CDH12: variants seen among roughly 807,000 people sequenced by gnomAD.
The protein encoded by CDH12 is cadherin 12, also known as cadherin-12.
Under a neutral mutation model 74.1 loss-of-function variants are expected in CDH12, and 41 were observed. The ratio of observed to expected loss-of-function variants is 0.55; its 90% CI spans 0.43 to 0.72. The LOEUF (loss-of-function observed/expected upper bound fraction) is 0.72, where lower values mean the gene tolerates loss of function less well. Among genes scored for constraint, CDH12 ranks in the 30% least tolerant of loss-of-function variants. The pLI is 0.00. For missense variants in CDH12, 945 were observed against 977.2 expected (o/e 0.97, Z 0.44); for synonymous variants, 399 against 355.0 (o/e 1.12, Z -1.39).
chr5:22,247,700 T>A (rs1753001158), intron 3 of CDH12, among the ~76,000 whole-genome samples: 1 of 151,880 alleles, frequency 6.6e-6, no homozygotes, highest in South Asian at 2.1e-4. Flanking sequence ...AAGAAAAGTA[T>A]TTGGTAACTT....
At position 21,755,803 on chromosome 5, in the gene CDH12, C is replaced by A; in HGVS notation, c.1673G>T (p.Ser558Ile). ...GAAATACAACTCTTGCTGCCTGCGG[C>A]TGTATCCATTTCTTCGGGTTTCAAT... ...AGIETRRNGY[S>I]RRQQELYFLP... The change falls in exon 14 of 15, where the codon AGC becomes ATC. Residue 558 changes from serine (S) to isoleucine (I), a missense_variant. Ser to Ile is a moderately radical substitution (Grantham distance 142). Around this residue, in one of 3 missense-constraint regions of CDH12, gnomAD observed 791 missense variants for 792.8 expected, o/e 1.00. Transcript: ENST00000382254. 1 of 1,613,996 alleles carries A rather than the reference C, an allele frequency of 6.2e-7. No individual in the cohort carries two copies. The highest frequency in any genetic ancestry group is 8.5e-7 in the Non-Finnish European group (1 of 1,179,906).
chr5:21,858,023 CTT>C (rs11292471), intron 6 of CDH12, among the ~76,000 whole-genome samples: 4 of 147,506 alleles, frequency 2.7e-5, no homozygotes, highest in African/African-American at 9.9e-5. Flanking sequence ...TTGTATCTCC[CTT>C]TTTTTTTTAA....
intron 1 of CDH12, chr5:22,580,445 G>T: frequency 5.9e-6 from 3 of 511,828 alleles, no homozygotes; most frequent in South Asian, 4.4e-5. Flanking sequence ...ACTGCCACTT[G>T]ACAAACCTGG....
At chr5:22,243,191 G>A (rs1752810302) in intron 3 of CDH12, among the ~76,000 whole-genome samples, 1 of 152,070 alleles carries the variant, frequency 6.6e-6, no homozygotes. Flanking sequence ...GAAAATGTAA[G>A]TTTAGTGAAT....
chr5:22,154,217 T>C (rs1367522558), intron 4 of CDH12, among the ~76,000 whole-genome samples: 1 of 151,194 alleles, frequency 6.6e-6, no homozygotes, highest in African/African-American at 2.4e-5. Context: ...ACATCACCTC[T>C]CATAATTATC....
chr5:21,785,443 T>C (rs1278766445), intron 10 of CDH12, among the ~76,000 whole-genome samples: 5 of 152,198 alleles, frequency 3.3e-5, no homozygotes, highest in African/African-American at 4.8e-5. Context: ...AAAGCCAAGA[T>C]AGTCCAAAAG....
At chr5:22,098,094 CTTCCTTTACTA>C (rs1743905170) in intron 4 of CDH12, among the ~76,000 whole-genome samples, 1 of 152,140 alleles carries the variant, frequency 6.6e-6, no homozygotes, top group Admixed American at 6.5e-5. Flanking sequence ...CTCAAACATG[CTTCCTTTACTA>C]TTCCTTTGCA....
intron 1 of CDH12, among the ~76,000 whole-genome samples, chr5:22,611,077 G>T: frequency 6.6e-6 from 1 of 151,830 alleles, no homozygotes; most frequent in East Asian, 1.9e-4. Flanking sequence ...AATTTTTATT[G>T]TCCTCCTAAC....
chr5:21,868,711 A>G (rs562959606), intron 6 of CDH12, among the ~76,000 whole-genome samples: 2 of 152,310 alleles, frequency 1.3e-5, no homozygotes, highest in African/African-American at 4.8e-5. Flanking sequence ...GGTAACTTGT[A>G]AATTCACAGG....
intron 1 of CDH12, among the ~76,000 whole-genome samples, chr5:22,563,061 T>C (rs1198390750): frequency 6.8e-6 from 1 of 147,364 alleles, no homozygotes. Context: ...TTTAAATATA[T>C]ATAGATTTAT....
intron 2 of CDH12, among the ~76,000 whole-genome samples, chr5:22,473,498 T>G (rs1746050332): frequency 6.6e-6 from 1 of 152,170 alleles, no homozygotes; most frequent in Non-Finnish European, 1.5e-5. Flanking sequence ...TAATATTTTC[T>G]ATTTTGTAAA....
intron 1 of CDH12, among the ~76,000 whole-genome samples, chr5:22,520,880 T>C (rs1737025323): frequency 6.6e-6 from 1 of 152,158 alleles, no homozygotes; most frequent in Middle Eastern, 3.2e-3. Context: ...GTAAGTATAT[T>C]GCACGTGGTT....
At position 22,107,037 on chromosome 5, in the gene CDH12, C is replaced by A. The variant is rs74572961; in HGVS notation, c.-186-28175G>T. 7.6e-3 allele frequency among the ~76,000 whole-genome samples: 1,156 copies of A among 152,128 alleles called. 28 individuals carry two copies. The highest frequency in any genetic ancestry group is 0.027 in the African/African-American group (1,102 of 41,500). On this transcript the variant is annotated intron_variant, in intron 4 of 14. Transcript: ENST00000382254. ...GCTTCTTTCCTTTTTCCCAGCTACCCATTCTACTGGGGTCCTAGACTGTGG... is the reference window on the plus strand; with the variant it reads ...GCTTCTTTCCTTTTTCCCAGCTACCAATTCTACTGGGGTCCTAGACTGTGG...
intron 4 of CDH12, among the ~76,000 whole-genome samples, chr5:22,170,181 A>T (rs561232545): frequency 2.2e-4 from 33 of 152,002 alleles, no homozygotes; most frequent in Non-Finnish European, 4.4e-4. Context: ...TGGAGGGGGA[A>T]CGATAATAGC....
chr5:22,231,349 A>C (rs1015876388), intron 3 of CDH12, among the ~76,000 whole-genome samples: 40 of 152,082 alleles, frequency 2.6e-4, no homozygotes, highest in Non-Finnish European at 4.7e-4. Flanking sequence ...CAGAGAATTT[A>C]TGAAGAATAA....
chr5:22,150,932 A>G (rs969413295), intron 4 of CDH12, among the ~76,000 whole-genome samples: 2 of 152,232 alleles, frequency 1.3e-5, no homozygotes, highest in African/African-American at 2.4e-5. Context: ...ACAAGGCACT[A>G]TTGTGCAGCA....
intron 8 of CDH12, among the ~76,000 whole-genome samples, chr5:21,835,103 A>G (rs1749455745): frequency 6.6e-6 from 1 of 152,008 alleles, no homozygotes. Flanking sequence ...TAGACTCTTA[A>G]CCAGACTTTC....
intron 7 of CDH12, among the ~76,000 whole-genome samples, chr5:21,845,030 G>GATAT (rs1491156997): frequency 6.7e-6 from 1 of 149,380 alleles, no homozygotes; most frequent in South Asian, 2.1e-4. Flanking sequence ...TAGATAGATA[G>GATAT]ATAGATTAGA....
At chr5:22,388,720 T>C (rs749475115) in intron 3 of CDH12, among the ~76,000 whole-genome samples, 3 of 152,208 alleles carry the variant, frequency 2.0e-5, no homozygotes, top group Non-Finnish European at 2.9e-5. Context: ...CTATACTGTA[T>C]ATCATCACAT....
Sources: allele counts gnomAD v4.1 joint callset (sites outside exome capture counted in the v4.1 genomes callset), GRCh38; gene constraint gnomAD v4.1.1; regional missense constraint gnomAD v4.1.1; transcripts MANE v1.5; gene names NCBI Gene and HGNC (gene_info 2026-07-23, HGNC 2026-07-21).